The following ANO6 variants were observed in gnomAD, a reference collection of about 807,000 sequenced individuals.
The protein encoded by ANO6 is anoctamin-6.
Under a neutral mutation model 117.5 loss-of-function variants are expected in ANO6, and 106 were observed. The observed-to-expected ratio is 0.90, with a 90% CI of 0.77 to 1.06. The LOEUF (loss-of-function observed/expected upper bound fraction) is 1.06, where lower values mean the gene tolerates loss of function less well. ANO6 is among the 50% of genes least tolerant of loss of function. The pLI, the probability that ANO6 is intolerant of heterozygous loss-of-function variation, is 0.00. For missense variants in ANO6, 955 were observed against 1,121.1 expected (o/e 0.85, Z 2.12); for synonymous variants, 367 against 385.1 (o/e 0.95, Z 0.55).
At chr12:45,348,433 C>A (rs1941199778) in intron 5 of ANO6, 85 bp from the exon 6 acceptor site, 2 of 1,547,248 alleles carry the variant, frequency 1.3e-6, no homozygotes, top group African/African-American at 1.4e-5. Context: ...AATATGCCAG[C>A]AGATTTGTGT....
chr12:45,398,438 T>C (rs543768947), intron 12 of ANO6, among the ~76,000 whole-genome samples: 1 of 152,340 alleles, frequency 6.6e-6, no homozygotes, highest in Non-Finnish European at 1.5e-5. Context: ...TCTGCACTGC[T>C]CCAGCTTCGT....
intron 1 of ANO6, chr12:45,292,862 G>T: frequency 7.7e-6 from 12 of 1,548,846 alleles, no homozygotes; most frequent in Non-Finnish European, 1.0e-5. Flanking sequence ...AGGTAGGAGG[G>T]TAAGAAGCGT....
intron 15 of ANO6, among the ~76,000 whole-genome samples, chr12:45,405,076 TG>T (rs771639062): frequency 1.4e-4 from 21 of 152,296 alleles, no homozygotes; most frequent in Admixed American, 5.2e-4. Flanking sequence ...AAAGGGATTC[TG>T]GCTTTAGCTG....
chr12:45,265,090 A>G (rs1938171082), intron 1 of ANO6, among the ~76,000 whole-genome samples: 1 of 152,168 alleles, frequency 6.6e-6, no homozygotes, highest in South Asian at 2.1e-4. Context: ...AGGCATTGGC[A>G]TTTTCATTAT....
intron 1 of ANO6, 90 bp downstream of exon 1, chr12:45,216,481 C>A: frequency 1.4e-6 from 2 of 1,455,958 alleles, no homozygotes; most frequent in Non-Finnish European, 1.9e-6. Flanking sequence ...GTGCTCTCCG[C>A]GGGGGAGGTT....
chr12:45,393,389 A>G (rs1942511902), intron 12 of ANO6, among the ~76,000 whole-genome samples: 1 of 152,240 alleles, frequency 6.6e-6, no homozygotes, highest in Non-Finnish European at 1.5e-5. Context: ...TGAAAGTGAC[A>G]GAGAGAATGG....
At chr12:45,363,212 C>A (rs1482626432) in intron 8 of ANO6, among the ~76,000 whole-genome samples, 3 of 152,018 alleles carry the variant, frequency 2.0e-5, no homozygotes, top group African/African-American at 7.3e-5. Context: ...AATATTATGT[C>A]AGCACTTGAA....
intron 3 of ANO6, among the ~76,000 whole-genome samples, chr12:45,336,613 A>T (rs185939531): frequency 6.6e-6 from 1 of 152,042 alleles, no homozygotes; most frequent in Non-Finnish European, 1.5e-5. Flanking sequence ...AAACAAACCT[A>T]TTAGGCTGGG....
chr12:45,255,889 C>T (rs560693377), intron 1 of ANO6, among the ~76,000 whole-genome samples: 91 of 146,322 alleles, frequency 6.2e-4, no homozygotes, highest in African/African-American at 2.3e-3. Context: ...GGCGGGATCT[C>T]GGCTCACTGC....
intron 1 of ANO6, among the ~76,000 whole-genome samples, chr12:45,299,374 C>G (rs1341001351): frequency 6.6e-6 from 1 of 152,174 alleles, no homozygotes; most frequent in East Asian, 1.9e-4. Context: ...CTCTTCAAGC[C>G]TTTGCTCATC....
At chr12:45,266,430 A>C (rs1241956353) in intron 1 of ANO6, among the ~76,000 whole-genome samples, 1 of 152,216 alleles carries the variant, frequency 6.6e-6, no homozygotes, top group African/African-American at 2.4e-5. Context: ...TTAGGTTGGC[A>C]CATAAATATG....
chr12:45,350,667 C>A lies in ANO6; in HGVS notation c.756C>A (p.Phe252Leu). The A allele has an allele frequency of 6.2e-7, 1 of 1,613,614 alleles. No individual in the cohort carries two copies. Among genetic ancestry groups the A allele is most frequent in the Non-Finnish European group, 8.5e-7 (1 of 1,179,638 alleles). The stretch of plus-strand genomic sequence containing the variant: ...TCCCTTCTGCGTCACAGTGCAAATT[C>A]CGCCGTCAGTCAGAGGATCCCAGCT... The part of the protein sequence containing the change: ...KAAFPLHDCK[F>L]RRQSEDPSCP... Residue 252 changes from phenylalanine (F) to leucine (L), a missense_variant, in exon 7 of 20, where the codon TTC (phenylalanine) becomes TTA (leucine). By Grantham distance (22) the Phe-to-Leu change is conservative (BLOSUM62 0). Coordinates refer to ENST00000320560, the MANE Select transcript of ANO6 (RefSeq NM_001025356.3).
chr12:45,413,857 C>CT (rs1413577541), intron 16 of ANO6, among the ~76,000 whole-genome samples: 1 of 152,014 alleles, frequency 6.6e-6, no homozygotes, highest in African/African-American at 2.4e-5. Context: ...CTAGGTAGGG[C>CT]TTTTTTAGTT....
intron 1 of ANO6, among the ~76,000 whole-genome samples, chr12:45,257,171 T>G (rs1937864075): frequency 6.6e-6 from 1 of 152,226 alleles, no homozygotes; most frequent in Non-Finnish European, 1.5e-5. Context: ...ACTGTTTTAA[T>G]TCAAGCTCTA....
chr12:45,287,651 C>T (rs570247531), intron 1 of ANO6, among the ~76,000 whole-genome samples: 3 of 152,134 alleles, frequency 2.0e-5, no homozygotes, highest in African/African-American at 7.2e-5. Flanking sequence ...TCAGGGATGA[C>T]GTCAGTAATT....
intron 1 of ANO6, among the ~76,000 whole-genome samples, chr12:45,230,999 C>T (rs1204037674): frequency 1.3e-5 from 2 of 151,958 alleles, no homozygotes; most frequent in East Asian, 1.9e-4. Context: ...CCCAGCTACT[C>T]GGGAGGCTGA....
chr12:45,382,899 A>C (rs1942204504), intron 10 of ANO6, among the ~76,000 whole-genome samples: 1 of 152,158 alleles, frequency 6.6e-6, no homozygotes, highest in East Asian at 1.9e-4. Context: ...ATTAGGTAGG[A>C]GGATGGTTGC....
At position 45,388,168 on chromosome 12, in the gene ANO6, G is replaced by A. The variant is rs1942348138; in HGVS notation, c.1173G>A (p.Leu391=). The change falls in exon 11 of 20, where the codon TTG becomes TTA. Residue 391 remains leucine (L), a synonymous_variant. Transcript: ENST00000320560. ...FAVFMGVWVT[L]FLEFWKRRQA... ...CTTCTGTCTCTCTGTTAGTTACCTT[G>A]TTTTTGGAGTTTTGGAAGCGACGCC... 1 of 1,613,896 alleles carries A rather than the reference G, an allele frequency of 6.2e-7. No individual in the cohort carries two copies. The highest frequency in any genetic ancestry group is 1.1e-5 in the South Asian group (1 of 91,072).
rs1315807479 is a variant in ANO6, at chr12:45,421,211, A to G, written c.2358A>G (p.Ala786=). The G allele has an allele frequency of 1.2e-6, 2 of 1,614,074 alleles. No individual in the cohort carries two copies. The highest frequency in any genetic ancestry group is 1.3e-5 in the African/African-American group (1 of 74,946). ...INNTLSIFKV[A]DFKNKSKGNP... Reference sequence around the variant, plus strand: ...ACACTCTCTCCATCTTCAAAGTCGCAGACTTCAAAAACAAAAGCAAGGGAA... The same window carrying G: ...ACACTCTCTCCATCTTCAAAGTCGCGGACTTCAAAAACAAAAGCAAGGGAA... Residue 786 remains alanine (A), a synonymous_variant, in exon 18 of 20, where the codon GCA becomes GCG. Transcript: ENST00000320560.
Sources: gnomAD v4.1 joint callset for allele counts (sites outside exome capture counted in the v4.1 genomes callset) on GRCh38, gnomAD v4.1.1 for gene constraint, MANE v1.5 for transcripts, NCBI Gene and HGNC (gene_info 2026-07-23, HGNC 2026-07-21) for gene names.